The following TUBB8 variants were observed in gnomAD, a reference collection of about 807,000 sequenced individuals.
TUBB8 encodes tubulin beta-8 chain.
TUBB8 carries 25 observed loss-of-function variants against 33.7 expected under a neutral mutation model. That is an observed-to-expected ratio of 0.74 (90% CI 0.54 to 1.04). The LOEUF (loss-of-function observed/expected upper bound fraction) is 1.04. TUBB8 is among the 50% of genes least tolerant of loss of function. TUBB8 has a pLI of 0.00. For synonymous variants in TUBB8, 245 were observed against 240.1 expected (o/e 1.02, Z -0.19); for missense variants, 279 against 608.0 (o/e 0.46, Z 5.69).
chr10:74,332 G>A (rs1311786052), upstream of TUBB8, among the ~76,000 whole-genome samples: 3 of 151,566 alleles, frequency 2.0e-5, 1 homozygote, highest in Admixed American at 6.6e-5. Flanking sequence ...CGGAACGCAT[G>A]GAGATAGCAA....
At chr10:68,649 G>A (rs1208975392) in intron 1 of TUBB8, among the ~76,000 whole-genome samples, 2 of 152,212 alleles carry the variant, frequency 1.3e-5, no homozygotes, top group African/African-American at 2.4e-5. Flanking sequence ...CAATAGCAGT[G>A]TAAAGTGTAA....
chr10:55,479 C>G (rs540757099), intron 1 of TUBB8, among the ~76,000 whole-genome samples: 1 of 152,168 alleles, frequency 6.6e-6, no homozygotes, highest in Non-Finnish European at 1.5e-5. Flanking sequence ...TTTAAAAAAG[C>G]TTTCTGACCT....
intron 1 of TUBB8, among the ~76,000 whole-genome samples, chr10:61,520 C>T (rs1278859398): frequency 1.3e-5 from 2 of 152,216 alleles, no homozygotes; most frequent in Admixed American, 6.5e-5. Flanking sequence ...TGCTACTTAA[C>T]ATATGGTCTA....
intron 1 of TUBB8, among the ~76,000 whole-genome samples, chr10:69,669 A>G (rs1554742055): frequency 2.0e-5 from 3 of 152,148 alleles, no homozygotes; most frequent in African/African-American, 7.2e-5. Context: ...TCATGCTTGT[A>G]ATCCCAGCAC....
chr10:49,414 A>T, upstream of TUBB8: 2 of 719,644 alleles, frequency 2.8e-6, no homozygotes. Context: ...CCACCTGTGG[A>T]TCCCCTGGCG....
At chr10:64,693 A>G (rs1179103984) in intron 1 of TUBB8, among the ~76,000 whole-genome samples, 2 of 152,212 alleles carry the variant, frequency 1.3e-5, no homozygotes, top group Non-Finnish European at 2.9e-5. Context: ...ATACACATCA[A>G]CACACTCACA....
intron 1 of TUBB8, among the ~76,000 whole-genome samples, chr10:68,470 G>C (rs1188165065): frequency 6.6e-6 from 1 of 152,216 alleles, no homozygotes; most frequent in African/African-American, 2.4e-5. Flanking sequence ...TACTGATACA[G>C]CATCCAGACT....
intron 1 of TUBB8, 70 bp downstream of exon 1, chr10:49,112 C>G: frequency 2.0e-6 from 3 of 1,477,624 alleles, no homozygotes; most frequent in Non-Finnish European, 2.8e-6. Context: ...GCACCGCCCC[C>G]GCCACTGCCA....
In TUBB8 at chr10:72,233, A is replaced by G. The variant is rs1160301326; in HGVS notation, c.-846+1736T>C. 4.1e-5 allele frequency among the ~76,000 whole-genome samples: 6 copies of G among 148,144 alleles called. No individual in the cohort carries two copies. In the South Asian group the frequency reaches 8.7e-4, roughly 22 times the overall value. ...GGAGCTAAACTCTGTCTCAAAAAAC[A>G]AACAAAAAAATTTTTTTAATTAAAA... is the stretch of plus-strand genomic sequence containing the variant. On this transcript the variant is annotated intron_variant, in intron 1 of 3. Coordinates refer to the TUBB8 transcript ENST00000564130.
chr10:73,997 A>G, exon 1 of TUBB8: 1 of 157,058 alleles, frequency 6.4e-6, no homozygotes. Flanking sequence ...GAGCTGCAGC[A>G]GCGTCTCCCT....
In TUBB8 at chr10:61,926, G is replaced by T. The variant is rs529186658; in HGVS notation, c.-845-11693C>A. Among the ~76,000 whole-genome samples the T allele has an allele frequency of 4.6e-5, 7 of 151,766 alleles. No homozygotes were observed. In the East Asian group the frequency reaches 9.7e-4, roughly 21 times the overall value. On this transcript the variant is annotated intron_variant, in intron 1 of 3. Transcript: ENST00000564130. ...AGTAAAGCTATTTCTGTTCTTTTTT[G>T]GTTTCTATTGGCATGGAATAACTTT...
At chr10:71,062 A>G (rs569577313) in intron 1 of TUBB8, among the ~76,000 whole-genome samples, 4 of 152,306 alleles carry the variant, frequency 2.6e-5, no homozygotes, top group African/African-American at 9.6e-5. Context: ...CTGTAATCCC[A>G]ACACTTTGGG....
chr10:69,845 G>A (rs1370989170), intron 1 of TUBB8, among the ~76,000 whole-genome samples: 2 of 152,202 alleles, frequency 1.3e-5, no homozygotes, highest in African/African-American at 4.8e-5. Flanking sequence ...GAGCCGAGAT[G>A]GTGCCAGAGG....
upstream of TUBB8, chr10:49,345 C>T: frequency 8.5e-7 from 1 of 1,178,674 alleles, no homozygotes; most frequent in South Asian, 1.3e-5. Context: ...CGCCCACCTC[C>T]CTCCGCCTCG....
chr10:73,735 G>A (rs1176136703), intron 1 of TUBB8, among the ~76,000 whole-genome samples: 1 of 151,824 alleles, frequency 6.6e-6, no homozygotes, highest in Admixed American at 6.6e-5. Context: ...CCAACATCCC[G>A]ACAGCCCGAC....
chr10:55,222 A>G (rs1390803593), intron 1 of TUBB8, among the ~76,000 whole-genome samples: 4 of 152,178 alleles, frequency 2.6e-5, no homozygotes, highest in African/African-American at 7.2e-5. Flanking sequence ...AGCCCCTTAT[A>G]AAAACATCAG....
upstream of TUBB8, among the ~76,000 whole-genome samples, chr10:50,496 G>C (rs1554739416): frequency 6.6e-6 from 1 of 152,076 alleles, no homozygotes; most frequent in African/African-American, 2.4e-5. Flanking sequence ...CTTGGCTGTG[G>C]CATCTACAAG....
At chr10:51,909 C>T (rs1263209395), upstream of TUBB8, among the ~76,000 whole-genome samples, 2 of 152,184 alleles carry the variant, frequency 1.3e-5, no homozygotes, top group African/African-American at 4.8e-5. Flanking sequence ...AAAGTAAAAG[C>T]TAAACTGTTT....
chr10:48,628 G>T lies in TUBB8; in HGVS notation c.264C>A (p.Asp88Glu). Reference protein sequence around the residue: ...SGPFGQVFRPDNFIFGQCGAG... With the variant: ...SGPFGQVFRPENFIFGQCGAG... ...CCCGCAGCTCACCGAAGATGAAGTT[G>T]TCTGGCCTGAAGACCTGCCCGAAGG... The change falls in exon 3 of 4, where the codon GAC (aspartate) becomes GAA (glutamate). Residue 88 changes from aspartate to glutamate, a missense_variant. Physicochemically the swap from Asp to Glu is conservative, Grantham distance 45. This residue lies in a region of TUBB8 where 96 missense variants were observed against 233.7 expected (regional missense o/e 0.41). Transcript: ENST00000568584. The T allele has an allele frequency of 1.2e-6, 2 of 1,612,324 alleles. No homozygotes were observed. Among genetic ancestry groups the T allele is most frequent in the Non-Finnish European group, 1.7e-6 (2 of 1,179,774 alleles).
Sources: gnomAD v4.1 joint callset for allele counts (sites outside exome capture counted in the v4.1 genomes callset) on GRCh38, gnomAD v4.1.1 for gene constraint, gnomAD v4.1.1 regional missense constraint, MANE v1.5 for transcripts, NCBI Gene and HGNC (gene_info 2026-07-23, HGNC 2026-07-21) for gene names.